The following RSRC1 variants were observed in gnomAD, a reference collection of about 807,000 sequenced individuals.
The protein encoded by RSRC1 is serine/Arginine-related protein 53.
In RSRC1, 39 loss-of-function variants were observed where a neutral mutation model predicts 49.1. The ratio of observed to expected loss-of-function variants is 0.79; its 90% CI spans 0.61 to 1.04. The LOEUF is 1.04. RSRC1 is among the 50% of genes least tolerant of loss of function. The pLI is 0.00. For missense variants in RSRC1, 388 were observed against 402.4 expected, an observed-to-expected ratio of 0.96 and a Z score of 0.31; for synonymous variants, 143 against 130.8, an observed-to-expected ratio of 1.09 and a Z score of -0.63.
intron 3 of RSRC1, among the ~76,000 whole-genome samples, chr3:158,149,253 A>G (rs1305037783): frequency 6.6e-6 from 1 of 152,020 alleles, no homozygotes; most frequent in African/African-American, 2.4e-5. Context: ...TTTCTATTTT[A>G]GCTTTAGTTC....
chr3:158,305,233 G>A (rs1329339790), intron 5 of RSRC1, among the ~76,000 whole-genome samples: 3 of 151,880 alleles, frequency 2.0e-5, no homozygotes, highest in Admixed American at 2.0e-4. Flanking sequence ...AAATGGAGGG[G>A]AAATGGTGGC....
intron 5 of RSRC1, among the ~76,000 whole-genome samples, chr3:158,325,152 G>C (rs1399069694): frequency 3.9e-5 from 6 of 152,024 alleles, no homozygotes; most frequent in Non-Finnish European, 7.4e-5. Flanking sequence ...GAGTAGATTG[G>C]AAAAATTTTC....
intron 5 of RSRC1, among the ~76,000 whole-genome samples, chr3:158,319,781 T>C (rs1728659544): frequency 6.6e-6 from 1 of 152,200 alleles, no homozygotes; most frequent in Non-Finnish European, 1.5e-5. Flanking sequence ...TATGTACAGC[T>C]TTAAATTTCT....
intron 1 of RSRC1, among the ~76,000 whole-genome samples, chr3:158,110,882 C>T (rs1346560894): frequency 6.6e-6 from 1 of 152,190 alleles, no homozygotes; most frequent in Non-Finnish European, 1.5e-5. Flanking sequence ...TTACAATGCA[C>T]CGTAAGGCAT....
chr3:158,171,601 A>G (rs980273480), intron 3 of RSRC1, among the ~76,000 whole-genome samples: 1 of 152,164 alleles, frequency 6.6e-6, no homozygotes, highest in African/African-American at 2.4e-5. Context: ...AAACAAAAAT[A>G]CAAAGAATGG....
At chr3:158,541,135 C>T (rs554273765) in intron 8 of RSRC1, among the ~76,000 whole-genome samples, 4 of 152,238 alleles carry the variant, frequency 2.6e-5, no homozygotes, top group African/African-American at 9.6e-5. Context: ...TTTTTCTGAT[C>T]TTCAAAGACA....
rs150807150 is a variant in RSRC1 at position 158,415,361 on chromosome 3, G to A, written c.584-45574G>A. On this transcript the variant is annotated intron_variant, in intron 6 of 9. Coordinates refer to ENST00000611884, the MANE Select transcript of RSRC1 (RefSeq NM_001271838.2). Reference sequence around the variant, plus strand: ...TGAAAACTATTGTTTTTTATAGAATGTGAAGCATACTTTTCCAGTCATTTG... The same window carrying A: ...TGAAAACTATTGTTTTTTATAGAATATGAAGCATACTTTTCCAGTCATTTG... 1.6e-3 allele frequency among the ~76,000 whole-genome samples: 236 copies of A among 152,118 alleles called. 3 individuals carry two copies. The highest frequency in any genetic ancestry group is 3.1e-3 in the Non-Finnish European group (211 of 67,978).
intron 1 of RSRC1, among the ~76,000 whole-genome samples, chr3:158,111,784 T>C (rs1714427556): frequency 6.6e-6 from 1 of 152,216 alleles, no homozygotes; most frequent in Admixed American, 6.5e-5. Context: ...AATTATAAGC[T>C]ATCATGTCCT....
chr3:158,541,719 A>G (rs1285790609), intron 8 of RSRC1, among the ~76,000 whole-genome samples: 1 of 152,332 alleles, frequency 6.6e-6, no homozygotes, highest in Admixed American at 6.5e-5. Flanking sequence ...AAAAAAGGCT[A>G]CATAACAATC....
chr3:158,399,510 C>A (rs1159184641), intron 6 of RSRC1, among the ~76,000 whole-genome samples: 1 of 152,024 alleles, frequency 6.6e-6, no homozygotes, highest in Non-Finnish European at 1.5e-5. Flanking sequence ...TAGTTACTTG[C>A]CTGAGGTCAC....
At chr3:158,375,933 A>G (rs1046688848) in intron 6 of RSRC1, among the ~76,000 whole-genome samples, 2 of 152,122 alleles carry the variant, frequency 1.3e-5, no homozygotes, top group African/African-American at 4.8e-5. Context: ...TTCTTTCTTT[A>G]GCCATGGATG....
chr3:158,273,587 G>A (rs752483842), intron 4 of RSRC1, among the ~76,000 whole-genome samples: 11 of 152,032 alleles, frequency 7.2e-5, no homozygotes, highest in African/African-American at 2.2e-4. Flanking sequence ...CCTGTAATAC[G>A]AAGTCTAGCC....
At chr3:158,357,699 G>A (rs6800853) in intron 6 of RSRC1, among the ~76,000 whole-genome samples, 33,361 of 152,024 alleles carry the variant, frequency 0.22, 4,251 homozygotes, top group Non-Finnish European at 0.29. Context: ...AAGTTTTGCA[G>A]TCCAGCCTAG....
intron 4 of RSRC1, among the ~76,000 whole-genome samples, chr3:158,224,084 G>A (rs991267895): frequency 6.6e-6 from 1 of 151,696 alleles, no homozygotes; most frequent in Non-Finnish European, 1.5e-5. Context: ...CTTGTTCACT[G>A]CTATATCTGC....
chr3:158,379,465 G>GCC (rs1325469083), intron 6 of RSRC1, among the ~76,000 whole-genome samples: 5 of 152,058 alleles, frequency 3.3e-5, no homozygotes, highest in Non-Finnish European at 7.4e-5. Flanking sequence ...CTCCCAAAGT[G>GCC]CTGGGATTAC....
At chr3:158,463,023 G>C (rs992612776) in intron 7 of RSRC1, among the ~76,000 whole-genome samples, 20 of 151,954 alleles carry the variant, frequency 1.3e-4, no homozygotes, top group Non-Finnish European at 2.7e-4. Flanking sequence ...TTCTTGAATT[G>C]TTGCATGATG....
chr3:158,534,692 T>C (rs777862927), intron 7 of RSRC1, among the ~76,000 whole-genome samples: 9 of 151,668 alleles, frequency 5.9e-5, no homozygotes, highest in Non-Finnish European at 1.3e-4. Context: ...AGCAGAAGAC[T>C]AGAAACAACT....
At chr3:158,199,540 C>T (rs138172542) in intron 3 of RSRC1, among the ~76,000 whole-genome samples, 79 of 152,030 alleles carry the variant, frequency 5.2e-4, no homozygotes, top group African/African-American at 1.9e-3. Context: ...TCCTTTCTTC[C>T]AACTACTTTG....
At position 158,397,431 on chromosome 3, in the gene RSRC1, T is replaced by C. The variant is rs191089392; in HGVS notation, c.583+42523T>C. 1.6e-4 allele frequency among the ~76,000 whole-genome samples: 25 copies of C among 152,282 alleles called. No individual in the cohort carries two copies. In the East Asian group the frequency reaches 3.7e-3, roughly 22 times the overall value. ...CATGCTATATGTGTGTACACATACA[T>C]AGGGAGACGGAAATACCATTTGACC... On this transcript the variant is annotated intron_variant, in intron 6 of 9. Transcript: ENST00000611884.
Sources: gnomAD v4.1 joint callset for allele counts (sites outside exome capture counted in the v4.1 genomes callset) on GRCh38, gnomAD v4.1.1 for gene constraint, MANE v1.5 for transcripts, NCBI Gene and HGNC (gene_info 2026-07-23, HGNC 2026-07-21) for gene names.